GTF3C2: variants seen among roughly 807,000 people sequenced by gnomAD.
GTF3C2 encodes the protein general transcription factor IIIC subunit 2, also known as general transcription factor 3C polypeptide 2.
Under a neutral mutation model 117.4 loss-of-function variants are expected in GTF3C2, and 17 were observed. The ratio of observed to expected loss-of-function variants is 0.14; its 90% CI spans 0.10 to 0.22. GTF3C2 has a LOEUF of 0.22. Ranked by LOEUF, GTF3C2 falls within the 10% of genes least tolerant of loss-of-function variation. The pLI is 1.00. For synonymous variants in GTF3C2, 437 were observed against 427.0 expected, an observed-to-expected ratio of 1.02 and a Z score of -0.29; for missense variants, 888 against 1,143.6, an observed-to-expected ratio of 0.78 and a Z score of 3.22.
intron 4 of GTF3C2, among the ~76,000 whole-genome samples, chr2:27,339,184 G>A (rs879223742): frequency 9.9e-5 from 15 of 151,636 alleles, no homozygotes; most frequent in South Asian, 4.2e-4. Flanking sequence ...CGAGGCGGGC[G>A]GATCACGAGG....
chr2:27,353,962 G>T (rs1001753093), intron 1 of GTF3C2, among the ~76,000 whole-genome samples: 3 of 150,306 alleles, frequency 2.0e-5, no homozygotes, highest in African/African-American at 7.4e-5. Flanking sequence ...GGGCTCAAGT[G>T]ATCCTCTAGC....
At chr2:27,353,374 T>G (rs904302094) in intron 1 of GTF3C2, among the ~76,000 whole-genome samples, 1 of 123,132 alleles carries the variant, frequency 8.1e-6, no homozygotes, top group East Asian at 2.1e-4. Flanking sequence ...AGAGCTAGAC[T>G]CCGTCTCAAA....
rs1367188970 is a variant in GTF3C2, at chr2:27,329,522, G to T, written c.1734C>A (p.Gly578=). The T allele has an allele frequency of 5.6e-6, 9 of 1,613,826 alleles. No homozygotes were observed. Among genetic ancestry groups the T allele is most frequent in the Non-Finnish European group, 6.8e-6 (8 of 1,179,772 alleles). The change falls in exon 13 of 19, where the codon GGC becomes GGA. Residue 578 remains glycine, a splice_region_variant and synonymous_variant. Transcript: ENST00000264720. The surrounding 1 kb of genome is among the most constrained non-coding windows in gnomAD (Gnocchi z 4.5). ...TGGGAAGGTTCCAGAAAACCACCAT[G>T]CCTGAAATAAGGACAGAATGTGTGA...
intron 17 of GTF3C2, among the ~76,000 whole-genome samples, chr2:27,327,559 G>A (rs1680126777): frequency 6.6e-6 from 1 of 151,326 alleles, no homozygotes; most frequent in South Asian, 2.1e-4. Flanking sequence ...CCTGACCTCA[G>A]GTGATCCGCC....
At chr2:27,331,460 G>A (rs949918086) in intron 12 of GTF3C2, among the ~76,000 whole-genome samples, 2 of 152,058 alleles carry the variant, frequency 1.3e-5, no homozygotes, top group Non-Finnish European at 1.5e-5. Context: ...TGAGTAGCTG[G>A]GACTACAGGC....
chr2:27,342,929 A>T (rs1350602267), exon 3 of GTF3C2: 1 of 1,614,168 alleles, frequency 6.2e-7, no homozygotes, highest in Non-Finnish European at 8.5e-7. Flanking sequence ...TCTTTTGACA[A>T]CTTCAGCAGC....
At chr2:27,342,787 C>T (rs758091650) in intron 3 of GTF3C2, 39 bp downstream of exon 3, 2 of 1,513,284 alleles carry the variant, frequency 1.3e-6, no homozygotes, top group South Asian at 2.3e-5. Context: ...ATCCCTTCAC[C>T]CAACCCCCCT....
chr2:27,346,230 C>A (rs1396762089), intron 1 of GTF3C2, among the ~76,000 whole-genome samples: 1 of 150,492 alleles, frequency 6.6e-6, no homozygotes, highest in East Asian at 2.0e-4. Flanking sequence ...CACTACGTTG[C>A]CCAGGATGGT....
chr2:27,337,687 T>C, intron 5 of GTF3C2, 129 bp from the exon 6 acceptor site: 1 of 749,254 alleles, frequency 1.3e-6, no homozygotes. Flanking sequence ...TAGCTCCAAT[T>C]AGCTACCAAG....
rs950563564 is a variant in GTF3C2 at position 27,329,794 on chromosome 2, G to A, written c.1733-271C>T. On this transcript the variant is annotated intron_variant, in intron 12 of 18. Coordinates refer to ENST00000264720, the Ensembl canonical transcript of GTF3C2. This position sits in a 1 kb window ranked among gnomAD's most constrained non-coding sequence, Gnocchi z 4.5. ...TGATAGGGTGAACACACCTAGTGCAGAGAGTAGAATGCACCTCTCTCTACT... is the reference window on the plus strand; with the variant it reads ...TGATAGGGTGAACACACCTAGTGCAAAGAGTAGAATGCACCTCTCTCTACT... 6.6e-6 allele frequency among the ~76,000 whole-genome samples: 1 copy of A among 151,702 alleles called. No homozygotes were observed. Among genetic ancestry groups the A allele is most frequent in the East Asian group, 1.9e-4 (1 of 5,202 alleles).
chr2:27,334,161 G>T (rs1680371992), intron 10 of GTF3C2, among the ~76,000 whole-genome samples, 162 bp from the exon 11 acceptor site: 1 of 150,918 alleles, frequency 6.6e-6, no homozygotes, highest in African/African-American at 2.4e-5. Context: ...AAAATGCTGG[G>T]ATTATAAGTG....
At chr2:27,342,864 G>T (rs1037698697) in exon 3 of GTF3C2, 1 of 1,614,046 alleles carries the variant, frequency 6.2e-7, no homozygotes, top group Non-Finnish European at 8.5e-7. Flanking sequence ...CCCCAGAAGG[G>T]GTCTCAAAGT....
intron 17 of GTF3C2, among the ~76,000 whole-genome samples, chr2:27,327,777 G>A (rs1242968047): frequency 2.0e-5 from 3 of 151,920 alleles, no homozygotes; most frequent in Non-Finnish European, 2.9e-5. Flanking sequence ...ACAGGCACGC[G>A]CCACCACGCC....
At chr2:27,335,063 C>A (rs1047915424) in intron 10 of GTF3C2, among the ~76,000 whole-genome samples, 3 of 152,232 alleles carry the variant, frequency 2.0e-5, no homozygotes, top group Non-Finnish European at 4.4e-5. Context: ...GGGCTCCAGC[C>A]TGGGTGCCCT....
In GTF3C2 at chr2:27,329,313, A is replaced by G. The variant is rs750470401; in HGVS notation, c.1878-31T>C. 1.9e-6 allele frequency: 3 copies of G among 1,614,032 alleles called. No individual in the cohort carries two copies. The South Asian group carries it at 3.3e-5, about 18-fold the overall frequency. On this transcript the variant is annotated intron_variant, in intron 13 of 18. Coordinates refer to ENST00000264720, the Ensembl canonical transcript of GTF3C2. The surrounding 1 kb of genome is among the most constrained non-coding windows in gnomAD (Gnocchi z 4.5). ...AAAAGACGGGAGAAGGTCAAATCCA[A>G]ACAAATCCGGAAGTCAGCCTGTCCC... is the stretch of plus-strand genomic sequence containing the variant.
chr2:27,343,131 C>T (rs377215247), exon 3 of GTF3C2: 9 of 1,579,018 alleles, frequency 5.7e-6, no homozygotes, highest in Non-Finnish European at 6.9e-6. Context: ...AGACCTTTGA[C>T]ATCTCTGAAG....
At chr2:27,331,558 C>T (rs766781255) in intron 12 of GTF3C2, among the ~76,000 whole-genome samples, 3 of 152,056 alleles carry the variant, frequency 2.0e-5, no homozygotes, top group Non-Finnish European at 4.4e-5. Flanking sequence ...ATCTCTTGAC[C>T]TGGTGATCTG....
At chr2:27,330,704 T>C (rs1017173028) in intron 12 of GTF3C2, among the ~76,000 whole-genome samples, 2 of 152,128 alleles carry the variant, frequency 1.3e-5, no homozygotes, top group Non-Finnish European at 2.9e-5. Context: ...CTCATGCCTG[T>C]AATCTCAGCA....
At chr2:27,355,977 G>C in intron 1 of GTF3C2, 1 of 615,656 alleles carries the variant, frequency 1.6e-6, no homozygotes. Flanking sequence ...AATTTAAAGA[G>C]AACTATTCAG....
Sources: allele counts gnomAD v4.1 joint callset (sites outside exome capture counted in the v4.1 genomes callset), GRCh38; gene constraint gnomAD v4.1.1; non-coding constraint Gnocchi (gnomAD v3.1); transcripts MANE v1.5; gene names NCBI Gene and HGNC (gene_info 2026-07-23, HGNC 2026-07-21).